The following CHURC1 variants were observed in gnomAD, a reference collection of about 807,000 sequenced individuals.
CHURC1 encodes protein Churchill.
CHURC1 carries 12 observed loss-of-function variants against 15.4 expected under a neutral mutation model. The observed-to-expected ratio is 0.78, with a 90% CI of 0.50 to 1.27. The LOEUF (loss-of-function observed/expected upper bound fraction) is 1.27. Among genes scored for constraint, CHURC1 ranks in the 50% most tolerant of loss-of-function variants. The probability of loss-of-function intolerance (pLI) is 0.00; values close to 1 mark genes in which losing one functional copy is unlikely to be tolerated. For missense variants in CHURC1, 132 were observed against 137.8 expected, an observed-to-expected ratio of 0.96 and a Z score of 0.21; for synonymous variants, 42 against 47.5, an observed-to-expected ratio of 0.88 and a Z score of 0.48.
chr14:64,932,507 T>C lies in CHURC1; in HGVS notation c.*277T>C. On this transcript the variant is annotated 3_prime_UTR_variant, in exon 4 of 4. Coordinates refer to ENST00000549115, the MANE Select transcript of CHURC1 (RefSeq NM_001386928.1). ...AAAACAACTAGAATGGGAGCACACC[T>C]GGTGCCCAGATTTTGGTTTCCAATA... 1 of 1,107,652 alleles carries C rather than the reference T, an allele frequency of 9.0e-7. No homozygotes were observed. Among genetic ancestry groups the C allele is most frequent in the Admixed American group, 4.5e-5 (1 of 22,080 alleles). 68.6% of individuals were successfully genotyped at this position (1,107,652 alleles called of 1,614,324 possible).
intron 3 of CHURC1, among the ~76,000 whole-genome samples, chr14:64,927,732 T>TCCCCCCCCCCC (rs1566830855): frequency 3.0e-4 from 32 of 106,630 alleles, no homozygotes; most frequent in African/African-American, 4.1e-4. Flanking sequence ...CCCCCCGCCG[T>TCCCCCCCCCCC]CAATTCATAC....
intron 1 of CHURC1, among the ~76,000 whole-genome samples, chr14:64,923,250 T>C (rs1025361515): frequency 1.4e-4 from 18 of 132,588 alleles, no homozygotes; most frequent in Admixed American, 7.9e-4. Context: ...CTGGGCAACA[T>C]AGCAAGACCC....
chr14:64,923,635 G>T (rs1036540671), intron 1 of CHURC1, among the ~76,000 whole-genome samples: 5 of 151,876 alleles, frequency 3.3e-5, no homozygotes, highest in Non-Finnish European at 5.9e-5. Context: ...GTTTAATATT[G>T]TTGGTTATTA....
intron 1 of CHURC1, among the ~76,000 whole-genome samples, chr14:64,923,551 C>T (rs1303461480): frequency 6.6e-6 from 1 of 152,084 alleles, no homozygotes; most frequent in African/African-American, 2.4e-5. Context: ...AACAACTAAA[C>T]ATCTATGTAA....
Position 64,933,000 on chromosome 14 carries a change from C to T in CHURC1, c.*770C>T, listed in dbSNP as rs1172781230. On this transcript the variant is annotated 3_prime_UTR_variant, in exon 4 of 4. Transcript: ENST00000549115. ...GAGGTTAACATCATCCATGATAAGC[C>T]CTTTTGATAGCATGTATCCTTGATA... 6.6e-6 allele frequency: 1 copy of T among 152,106 alleles called. No homozygotes were observed. Among genetic ancestry groups the T allele is most frequent in the African/African-American group, 2.4e-5 (1 of 41,402 alleles). 9.4% of individuals were successfully genotyped at this position (152,106 alleles called of 1,614,324 possible). A position where few individuals can be genotyped will look rare whatever the true frequency, so the allele number is the denominator to read the frequency against.
At position 64,932,096 on chromosome 14, in the gene CHURC1, T is replaced by C. The variant is rs751748452; in HGVS notation, c.247-42T>C. 19 of 1,593,490 alleles carry C rather than the reference T, an allele frequency of 1.2e-5. 1 individual carries two copies. The South Asian group carries it at 2.0e-4, about 17-fold the overall frequency. ...TAGAGTAAGTTATAAAGCATCTTTTTCCCTGTTCCTCTAGGTAATTATGCA... is the reference window on the plus strand; with the variant it reads ...TAGAGTAAGTTATAAAGCATCTTTTCCCCTGTTCCTCTAGGTAATTATGCA... On this transcript the variant is annotated intron_variant, in intron 3 of 3. Transcript: ENST00000549115.
At chr14:64,931,538 A>G (rs1885076572) in intron 3 of CHURC1, among the ~76,000 whole-genome samples, 1 of 152,132 alleles carries the variant, frequency 6.6e-6, no homozygotes, top group Non-Finnish European at 1.5e-5. Context: ...TGTCTAAAAA[A>G]AAAAAGAAAA....
Position 64,935,350 on chromosome 14 carries a change from A to T in CHURC1, c.*3120A>T, listed in dbSNP as rs1018772728. The stretch of plus-strand genomic sequence containing the variant: ...AAAGTATAATAATAATAAAATAAAA[A>T]AAAAGGAATTAGGCAAAACATGGCT... On this transcript the variant is annotated 3_prime_UTR_variant, in exon 4 of 4. Coordinates refer to ENST00000549115, the MANE Select transcript of CHURC1 (RefSeq NM_001386928.1). 35 of 945,534 alleles carry T rather than the reference A, an allele frequency of 3.7e-5. No individual in the cohort carries two copies. Among genetic ancestry groups the T allele is most frequent in the African/African-American group, 1.4e-4 (8 of 56,474 alleles). The allele number at this position is 945,534 out of a possible 1,614,324, so 58.6% of individuals were successfully genotyped here.
At position 64,933,854 on chromosome 14, in the gene CHURC1, G is replaced by T; in HGVS notation, c.*1624G>T. On this transcript the variant is annotated 3_prime_UTR_variant, in exon 4 of 4. Transcript: ENST00000549115. The stretch of plus-strand genomic sequence containing the variant: ...GATGATAATATCTGAGCTTTATTAA[G>T]TACTTACTACATGCTAAGAGCTTTT... The T allele has an allele frequency of 1.0e-6, 1 of 984,700 alleles. No homozygotes were observed. The highest frequency in any genetic ancestry group is 1.2e-6 in the Non-Finnish European group (1 of 829,302). 61.0% of individuals were successfully genotyped at this position (984,700 alleles called of 1,614,324 possible).
At position 64,917,723 on chromosome 14, in the gene CHURC1, G is replaced by GA. The variant is rs955443622; in HGVS notation, c.39+3199dup. ...CTGGGCAACAGAGCGAGACCCTGTT[G>GA]AAAAAAAAAAGAATTAACAAGATTC... On this transcript the variant is annotated intron_variant, in intron 1 of 3. Transcript: ENST00000549115. Among the ~76,000 whole-genome samples the GA allele has an allele frequency of 1.6e-4, 23 of 148,316 alleles. No homozygotes were observed. In the South Asian group the frequency reaches 1.9e-3, roughly 12 times the overall value.
chr14:64,926,094 T>C lies in CHURC1; in HGVS notation c.246+14T>C. On this transcript the variant is annotated intron_variant, in intron 3 of 3. Transcript: ENST00000549115. ...GATGAATTTCAGGTAAATATAAATATGGGTATAAATATAAATATGGGGAGG... is the reference window on the plus strand; with the variant it reads ...GATGAATTTCAGGTAAATATAAATACGGGTATAAATATAAATATGGGGAGG... 3 of 1,548,710 alleles carry C rather than the reference T, an allele frequency of 1.9e-6. No homozygotes were observed. The highest frequency in any genetic ancestry group is 2.6e-6 in the Non-Finnish European group (3 of 1,135,640).
intron 1 of CHURC1, among the ~76,000 whole-genome samples, chr14:64,922,803 C>G (rs1052494730): frequency 2.0e-5 from 3 of 151,960 alleles, no homozygotes; most frequent in Admixed American, 6.5e-5. Context: ...GATTAATTCT[C>G]CCACCAGAAT....
rs569331228 is a variant in CHURC1, at chr14:64,917,440, G to A, written c.39+2906G>A. ...TAGCTGGGTGTGGTGGGAGGCGCCT[G>A]TAATCCCAGCTACTTGGGAGGCTGA... On this transcript the variant is annotated intron_variant, in intron 1 of 3. Transcript: ENST00000549115. Among the ~76,000 whole-genome samples, 192 of 151,776 alleles carry A rather than the reference G, an allele frequency of 1.3e-3. 1 individual carries two copies. Among genetic ancestry groups the A allele is most frequent in the African/African-American group, 4.4e-3 (181 of 41,038 alleles).
chr14:64,918,926 A>C (rs953768551), intron 1 of CHURC1, among the ~76,000 whole-genome samples: 2 of 152,208 alleles, frequency 1.3e-5, no homozygotes, highest in African/African-American at 4.8e-5. Flanking sequence ...CGATTACATA[A>C]AGTTGTTTGG....
Position 64,934,375 on chromosome 14 carries a change from CAAA to C in CHURC1, c.*2150_*2152del. ...AAACAAAAACAAAACAAAACAACAACAAAAAAAGAAGTTAAATAACTTGTTTAA... is the reference window on the plus strand; with the variant it reads ...AAACAAAAACAAAACAAAACAACAACAAAAGAAGTTAAATAACTTGTTTAA... On this transcript the variant is annotated 3_prime_UTR_variant, in exon 4 of 4. Transcript: ENST00000549115. 1 of 950,644 alleles carries C rather than the reference CAAA, an allele frequency of 1.1e-6. No homozygotes were observed. The highest frequency in any genetic ancestry group is 4.9e-5 in the South Asian group (1 of 20,542). 58.9% of individuals were successfully genotyped at this position (950,644 alleles called of 1,614,324 possible).
chr14:64,929,095 G>A (rs1884925567), intron 3 of CHURC1, among the ~76,000 whole-genome samples: 1 of 152,014 alleles, frequency 6.6e-6, no homozygotes, highest in Non-Finnish European at 1.5e-5. Context: ...AATTACTGCA[G>A]CATTCCCCAG....
intron 3 of CHURC1, among the ~76,000 whole-genome samples, chr14:64,929,027 C>A (rs1190378100): frequency 3.3e-5 from 5 of 152,036 alleles, no homozygotes; most frequent in African/African-American, 1.2e-4. Flanking sequence ...GTTTTGCTTG[C>A]CTTTTCTCTG....
rs796225554 is a variant in CHURC1, at chr14:64,916,738, C to T, written c.39+2204C>T. ...GACTGCAGGTGCCCACCACCATGCCCAGCTAATTTTTTTGTATTTTTAGTA... is the reference window on the plus strand; with the variant it reads ...GACTGCAGGTGCCCACCACCATGCCTAGCTAATTTTTTTGTATTTTTAGTA... On this transcript the variant is annotated intron_variant, in intron 1 of 3. Transcript: ENST00000549115. Among the ~76,000 whole-genome samples the T allele has an allele frequency of 7.2e-5, 11 of 152,128 alleles. No individual in the cohort carries two copies. In the South Asian group the frequency reaches 1.2e-3, roughly 17 times the overall value.
rs1244995059 is a variant in CHURC1, at chr14:64,932,348, A to G, written c.*118A>G. On this transcript the variant is annotated 3_prime_UTR_variant, in exon 4 of 4. Coordinates refer to ENST00000549115, the MANE Select transcript of CHURC1 (RefSeq NM_001386928.1). The stretch of plus-strand genomic sequence containing the variant: ...CTTTGCATATTTTTTTTCTGCTTAG[A>G]CTTACTTATTCTTTGAGGAAAAAAG... 14 of 1,487,990 alleles carry G rather than the reference A, an allele frequency of 9.4e-6. No individual in the cohort carries two copies. The East Asian group carries it at 2.8e-4, about 30-fold the overall frequency. The allele number at this position is 1,487,990 out of a possible 1,614,324, so 92.2% of individuals were successfully genotyped here.
Sources: allele counts gnomAD v4.1 joint callset (sites outside exome capture counted in the v4.1 genomes callset), GRCh38; gene constraint gnomAD v4.1.1; transcripts MANE v1.5; gene names NCBI Gene and HGNC (gene_info 2026-07-23, HGNC 2026-07-21).